FBN2: variants seen among roughly 807,000 people sequenced by gnomAD.
FBN2 encodes the protein fibrillin-2.
In FBN2, 105 loss-of-function variants were observed where a neutral mutation model predicts 355.6. That is an observed-to-expected ratio of 0.30 (90% CI 0.25 to 0.35). The LOEUF is 0.35. FBN2 is among the 10% of genes least tolerant of loss of function. The pLI is 1.00. For synonymous variants in FBN2, 1,350 were observed against 1,301.2 expected (o/e 1.04, Z -0.81); for missense variants, 3,280 against 3,758.7 (o/e 0.87, Z 3.33).
chr5:128,404,691 G>T (rs570104238), intron 8 of FBN2, among the ~76,000 whole-genome samples: 1 of 152,354 alleles, frequency 6.6e-6, no homozygotes, highest in South Asian at 2.1e-4. Flanking sequence ...CAGGGTCCAT[G>T]AAGCTGCATA....
intron 8 of FBN2, among the ~76,000 whole-genome samples, chr5:128,397,144 G>A (rs1057226948): frequency 2.0e-5 from 3 of 152,172 alleles, no homozygotes; most frequent in Non-Finnish European, 4.4e-5. Flanking sequence ...AGGCACTGCA[G>A]AAATTTCAAA....
intron 5 of FBN2, among the ~76,000 whole-genome samples, chr5:128,510,660 G>A (rs932948800): frequency 1.2e-4 from 19 of 152,154 alleles, no homozygotes; most frequent in Non-Finnish European, 2.2e-4. Flanking sequence ...GAAATTCTGA[G>A]CCTATGAATT....
Position 128,509,871 on chromosome 5 carries a change from T to C in FBN2, c.628+9402A>G, listed in dbSNP as rs536973879. 3.2e-4 allele frequency among the ~76,000 whole-genome samples: 49 copies of C among 150,896 alleles called. No individual in the cohort carries two copies. The Middle Eastern group carries it at 0.02, about 63-fold the overall frequency. On this transcript the variant is annotated intron_variant, in intron 5 of 64. Transcript: ENST00000262464. ...CCACCAATTATGTGACCCTCTAATC[T>C]GGTTAGAGAGGAAGGCAGTATTTCC...
In FBN2 at chr5:128,259,368, C is replaced by T; in HGVS notation, c.*87G>A. ...AGAAACAAGAGTTATTATTATTTTT[C>T]CTCTTTAAAATTAGTCCTTGACTTT... On this transcript the variant is annotated 3_prime_UTR_variant, in exon 65 of 65. Transcript: ENST00000262464. The T allele has an allele frequency of 6.9e-7, 1 of 1,456,534 alleles. No homozygotes were observed. Among genetic ancestry groups the T allele is most frequent in the Non-Finnish European group, 9.6e-7 (1 of 1,039,008 alleles). The allele number at this position is 1,456,534 out of a possible 1,614,324, so 90.2% of individuals were successfully genotyped here.
intron 7 of FBN2, among the ~76,000 whole-genome samples, chr5:128,432,793 A>T (rs1753659636): frequency 6.6e-6 from 1 of 152,170 alleles, no homozygotes; most frequent in Non-Finnish European, 1.5e-5. Flanking sequence ...TCACACTGCT[A>T]TAAAGAGCTC....
At chr5:128,393,514 T>C (rs939367159) in intron 9 of FBN2, 146 bp from the exon 10 acceptor site, 1 of 672,548 alleles carries the variant, frequency 1.5e-6, no homozygotes, top group Non-Finnish European at 2.6e-6. Flanking sequence ...ATGTTTTTAA[T>C]GCTGGCAGTA....
intron 16 of FBN2, 67 bp from the exon 17 acceptor site, chr5:128,366,497 C>T: frequency 1.1e-6 from 1 of 930,200 alleles, no homozygotes; most frequent in Non-Finnish European, 1.7e-6. Flanking sequence ...CAAGTCATTT[C>T]ATAACTCCAA....
In FBN2 at chr5:128,307,118, A is replaced by G; in HGVS notation, c.5422+17T>C. On this transcript the variant is annotated intron_variant, in intron 42 of 64. Transcript: ENST00000262464. The stretch of plus-strand genomic sequence containing the variant: ...TACACATATGTATTAAAACAAACAT[A>G]ATCTGGAAAAACTCACCAACAGCTT... The G allele has an allele frequency of 6.5e-7, 1 of 1,543,564 alleles. No homozygotes were observed. The highest frequency in any genetic ancestry group is 9.0e-7 in the Non-Finnish European group (1 of 1,116,188).
chr5:128,337,809 G>C (rs889493151), intron 27 of FBN2, among the ~76,000 whole-genome samples, 188 bp downstream of exon 27: 1 of 152,208 alleles, frequency 6.6e-6, no homozygotes, highest in Non-Finnish European at 1.5e-5. Context: ...AAGAATGCCA[G>C]CTTATTCGAG....
rs1400779816 is a variant in FBN2 at position 128,305,635 on chromosome 5, A to G, written c.5550T>C (p.Asp1850=). 4.3e-6 allele frequency: 7 copies of G among 1,613,992 alleles called. No individual in the cohort carries two copies. The highest frequency in any genetic ancestry group is 1.7e-5 in the Admixed American group (1 of 59,986). ...SYNDLLLVCE[D]IDECSNGDNL... ...TATCACCATTGCTGCACTCATCTATATCTGAAAGAGCAACAATTCCATTTT... is the reference window on the plus strand; with the variant it reads ...TATCACCATTGCTGCACTCATCTATGTCTGAAAGAGCAACAATTCCATTTT... The change falls in exon 44 of 65, where the codon GAT becomes GAC. Residue 1850 remains aspartate, a splice_region_variant and synonymous_variant. Coordinates refer to ENST00000262464, the MANE Select transcript of FBN2 (RefSeq NM_001999.4).
At chr5:128,290,700 A>G in intron 50 of FBN2, 32 bp downstream of exon 50, 3 of 1,611,884 alleles carry the variant, frequency 1.9e-6, no homozygotes, top group African/African-American at 2.7e-5. Context: ...ACTGGTACAC[A>G]AAGTGCTGTC....
chr5:128,278,992 G>A (rs1032466611), intron 56 of FBN2, 151 bp from the exon 57 acceptor site: 4 of 710,460 alleles, frequency 5.6e-6, no homozygotes, highest in Non-Finnish European at 1.0e-5. Context: ...TGGCAGTTAA[G>A]TTCATAGCAT....
At chr5:128,483,739 G>A (rs1755258731) in intron 5 of FBN2, among the ~76,000 whole-genome samples, 2 of 151,868 alleles carry the variant, frequency 1.3e-5, no homozygotes, top group Admixed American at 6.6e-5. Context: ...AGGGGTGGGG[G>A]GTGGCATGTC....
intron 6 of FBN2, among the ~76,000 whole-genome samples, chr5:128,456,528 G>A (rs534940621): frequency 1.6e-4 from 24 of 152,250 alleles, no homozygotes; most frequent in African/African-American, 4.1e-4. Context: ...CCTTATAGAG[G>A]AGAGATCCTA....
At chr5:128,425,181 T>C (rs1021669326) in intron 7 of FBN2, among the ~76,000 whole-genome samples, 1 of 152,188 alleles carries the variant, frequency 6.6e-6, no homozygotes, top group Non-Finnish European at 1.5e-5. Flanking sequence ...AAGTTATTTA[T>C]GTTTTAAAAT....
intron 5 of FBN2, among the ~76,000 whole-genome samples, chr5:128,506,204 T>G (rs758752409): frequency 2.6e-5 from 4 of 152,202 alleles, no homozygotes; most frequent in Non-Finnish European, 5.9e-5. Context: ...ACATTCCTGG[T>G]AAGACTTTTG....
intron 62 of FBN2, among the ~76,000 whole-genome samples, chr5:128,269,437 C>T (rs969591418): frequency 6.6e-6 from 1 of 150,518 alleles, no homozygotes. Context: ...CCGGCCTGGG[C>T]GACAGAGTGA....
At chr5:128,520,820 T>A (rs1246656591) in intron 4 of FBN2, among the ~76,000 whole-genome samples, 1 of 152,164 alleles carries the variant, frequency 6.6e-6, no homozygotes, top group African/African-American at 2.4e-5. Context: ...AACCATACCC[T>A]TCTGCTTCTT....
At chr5:128,334,194 A>T (rs1242063401) in intron 31 of FBN2, among the ~76,000 whole-genome samples, 1 of 152,108 alleles carries the variant, frequency 6.6e-6, no homozygotes, top group Admixed American at 6.6e-5. Context: ...GGAAAAAGAG[A>T]AAGGCAATTT....
Sources: gnomAD v4.1 joint callset for allele counts (sites outside exome capture counted in the v4.1 genomes callset) on GRCh38, gnomAD v4.1.1 for gene constraint, MANE v1.5 for transcripts, NCBI Gene and HGNC (gene_info 2026-07-23, HGNC 2026-07-21) for gene names.